Variants in NHSL2 observed in about 807,000 individuals in gnomAD.
The protein encoded by NHSL2 is NHS-like protein 2.
In NHSL2, 27 loss-of-function variants were observed where a neutral mutation model predicts 53.4. The ratio of observed to expected loss-of-function variants is 0.51; its 90% CI spans 0.37 to 0.70. NHSL2 has a LOEUF of 0.70. NHSL2 is among the 30% of genes least tolerant of loss of function. NHSL2 has a pLI of 0.00. For missense variants in NHSL2, 892 were observed against 980.1 expected (o/e 0.91, Z 1.20); for synonymous variants, 408 against 404.1 (o/e 1.01, Z -0.12).
At chrX:71,990,079 T>G (rs2042020759) in intron 1 of NHSL2, among the ~76,000 whole-genome samples, 1 of 112,110 alleles carries the variant, frequency 8.9e-6, no homozygotes, top group African/African-American at 3.2e-5. Flanking sequence ...AATTCCCAAA[T>G]TGACTTTCCC....
intron 1 of NHSL2, among the ~76,000 whole-genome samples, chrX:72,126,573 G>GAAA (rs35529228): frequency 9.7e-6 from 1 of 102,673 alleles, no homozygotes; most frequent in Non-Finnish European, 2.0e-5. Context: ...ACTTCCCCTG[G>GAAA]AAAAAAAAAA....
chrX:72,029,817 C>G (rs1251587265), intron 1 of NHSL2, among the ~76,000 whole-genome samples: 1 of 112,286 alleles, frequency 8.9e-6, no homozygotes, highest in Non-Finnish European at 1.9e-5. Flanking sequence ...GCTGGGCCTT[C>G]CCATCTAGGG....
chrX:71,931,451 C>A (rs1307646793), intron 1 of NHSL2, among the ~76,000 whole-genome samples: 1 of 112,151 alleles, frequency 8.9e-6, no homozygotes, highest in Non-Finnish European at 1.9e-5. Context: ...AATCTAAGAA[C>A]GTGCAAATTT....
intron 1 of NHSL2, among the ~76,000 whole-genome samples, chrX:72,039,147 C>CTTTCCTTTCCTTTCT (rs1251400322): frequency 1.4e-5 from 1 of 69,507 alleles, no homozygotes; most frequent in Admixed American, 1.8e-4. Context: ...CTTTCCTTTC[C>CTTTCCTTTCCTTTCT]TTCCTTGTCT....
At chrX:72,013,121 T>C (rs1208876853) in intron 1 of NHSL2, among the ~76,000 whole-genome samples, 2 of 112,588 alleles carry the variant, frequency 1.8e-5, no homozygotes, top group Non-Finnish European at 3.7e-5. Flanking sequence ...TACATAAATT[T>C]GGGGAGAACT....
intron 1 of NHSL2, among the ~76,000 whole-genome samples, chrX:71,922,083 G>A (rs766343350): frequency 8.9e-6 from 1 of 112,688 alleles, no homozygotes; most frequent in African/African-American, 3.2e-5. Context: ...ACAGTAGAAT[G>A]TATAAATGTA....
chrX:72,007,960 G>C (rs1245576899), intron 1 of NHSL2, among the ~76,000 whole-genome samples: 1 of 112,675 alleles, frequency 8.9e-6, no homozygotes, highest in Admixed American at 9.3e-5. Flanking sequence ...TTTCCAGCTG[G>C]GTGCCTTTGC....
At chrX:72,028,752 G>T (rs1376707499) in intron 1 of NHSL2, among the ~76,000 whole-genome samples, 1 of 112,406 alleles carries the variant, frequency 8.9e-6, no homozygotes, top group Non-Finnish European at 1.9e-5. Flanking sequence ...CACTGGGAAG[G>T]ATTTTGAAGG....
rs551043324 is a variant in NHSL2, at chrX:72,035,158, A to G, written c.281-96921A>G. Among the ~76,000 whole-genome samples the G allele has an allele frequency of 6.2e-5, 7 of 112,054 alleles. No homozygotes were observed. The South Asian group carries it at 2.6e-3, about 42-fold the overall frequency. On this transcript the variant is annotated intron_variant, in intron 1 of 7. Coordinates refer to ENST00000633930, the MANE Select transcript of NHSL2 (RefSeq NM_001013627.3). ...TCCTTTGAGTCTTTCTCTTTGATTC[A>G]TGGGTTGTTTAGAAGTGTGTTGTTT...
intron 1 of NHSL2, among the ~76,000 whole-genome samples, chrX:72,013,468 C>T (rs1367567195): frequency 2.7e-5 from 3 of 110,805 alleles, no homozygotes; most frequent in African/African-American, 6.5e-5. Flanking sequence ...ACTATAATGC[C>T]GTCTCCAAAT....
At chrX:71,983,633 A>C (rs892932018) in intron 1 of NHSL2, among the ~76,000 whole-genome samples, 23 of 110,642 alleles carry the variant, frequency 2.1e-4, no homozygotes, top group Non-Finnish European at 3.6e-4. Context: ...AAAACTGTTA[A>C]AGGAAAAAAA....
rs1051082302 is a variant in NHSL2 at position 72,023,067 on chromosome X, C to T, written c.281-109012C>T. On this transcript the variant is annotated intron_variant, in intron 1 of 7. Transcript: ENST00000633930. ...TTCTTTTCTTTATCCTTTGCAATAC[C>T]AGCATTTTCTTTTATTCATTCATTT... 5.3e-5 allele frequency among the ~76,000 whole-genome samples: 6 copies of T among 112,772 alleles called. No individual in the cohort carries two copies. In the Admixed American group the frequency reaches 5.6e-4, roughly 11 times the overall value.
At position 72,068,103 on chromosome X, in the gene NHSL2, A is replaced by G. The variant is rs149936607; in HGVS notation, c.281-63976A>G. ...CTTTGATAGTCTCACAACATTATTGATCCTTCTCTGTATTGTCATGGCCTT... is the reference window on the plus strand; with the variant it reads ...CTTTGATAGTCTCACAACATTATTGGTCCTTCTCTGTATTGTCATGGCCTT... On this transcript the variant is annotated intron_variant, in intron 1 of 7. Coordinates refer to ENST00000633930, the MANE Select transcript of NHSL2 (RefSeq NM_001013627.3). Among the ~76,000 whole-genome samples the G allele has an allele frequency of 1.3e-3, 140 of 111,547 alleles. 1 individual carries two copies. In the East Asian group the frequency reaches 0.03, roughly 24 times the overall value.
intron 1 of NHSL2, among the ~76,000 whole-genome samples, chrX:71,973,697 G>A (rs955118399): frequency 9.0e-6 from 1 of 111,497 alleles, no homozygotes; most frequent in Admixed American, 9.5e-5. Context: ...CATCCTATTA[G>A]CCAGCTGTGG....
At chrX:72,078,724 A>G (rs1430651357) in intron 1 of NHSL2, among the ~76,000 whole-genome samples, 1 of 112,010 alleles carries the variant, frequency 8.9e-6, no homozygotes, top group Admixed American at 9.4e-5. Context: ...GCATCTAACC[A>G]TTCCTTGCTC....
In NHSL2 at chrX:72,145,734, G is replaced by A. The variant is rs1375205285; in HGVS notation, c.*2160G>A. On this transcript the variant is annotated 3_prime_UTR_variant, in exon 8 of 8. Transcript: ENST00000633930. ...GGTTGAACGTTAAAGCTGAGTATGG[G>A]ACTCACATAGTATAGGCCTTGTTAC... 1.8e-5 allele frequency: 2 copies of A among 112,293 alleles called. No individual in the cohort carries two copies. The highest frequency in any genetic ancestry group is 6.5e-5 in the African/African-American group (2 of 30,929). 9.3% of individuals were successfully genotyped at this position (112,293 alleles called of 1,213,427 possible).
chrX:72,115,435 G>T (rs1029944809), intron 1 of NHSL2, among the ~76,000 whole-genome samples: 1 of 89,915 alleles, frequency 1.1e-5, no homozygotes, highest in Non-Finnish European at 2.2e-5. Context: ...TGGGGGCGGG[G>T]GGGGGGTGCG....
chrX:71,916,917 G>C (rs1392272959), intron 1 of NHSL2, among the ~76,000 whole-genome samples: 4 of 111,782 alleles, frequency 3.6e-5, no homozygotes, highest in Admixed American at 9.4e-5. Flanking sequence ...CAGACTTCTT[G>C]TGATAACTCT....
chrX:72,131,440 A>G, intron 1 of NHSL2: 1 of 1,210,819 alleles, frequency 8.3e-7, no homozygotes, highest in Non-Finnish European at 1.1e-6. Flanking sequence ...CCCGAGCTGG[A>G]GGCCCAAATT....
Sources: allele counts gnomAD v4.1 joint callset (sites outside exome capture counted in the v4.1 genomes callset), GRCh38; gene constraint gnomAD v4.1.1; transcripts MANE v1.5; gene names NCBI Gene and HGNC (gene_info 2026-07-23, HGNC 2026-07-21).